The following RIC1 variants were observed in gnomAD, a reference collection of about 807,000 sequenced individuals.
RIC1 encodes the protein guanine nucleotide exchange factor subunit RIC1.
RIC1 carries 88 observed loss-of-function variants against 169.0 expected under a neutral mutation model. The observed-to-expected ratio is 0.52, with a 90% CI of 0.44 to 0.62. RIC1 has a LOEUF of 0.62. Ranked by LOEUF, RIC1 falls within the 20% of genes least tolerant of loss-of-function variation. The pLI is 0.00. For missense variants in RIC1, 1,877 were observed against 1,725.5 expected (o/e 1.09, Z -1.56); for synonymous variants, 790 against 601.5 (o/e 1.31, Z -4.59).
rs745619977 is a variant in RIC1, at chr9:5,738,576, A to G, written c.901+38A>G. 6 of 1,202,060 alleles carry G rather than the reference A, an allele frequency of 5.0e-6. No homozygotes were observed. The Admixed American group carries it at 1.6e-4, about 31-fold the overall frequency. The allele number at this position is 1,202,060 out of a possible 1,614,324, so 74.5% of individuals were successfully genotyped here. A position where few individuals can be genotyped will look rare whatever the true frequency, so the allele number is the denominator to read the frequency against. On this transcript the variant is annotated intron_variant, in intron 8 of 25. Transcript: ENST00000414202. ...TTTTTTTTTTTTTTTTAACATTTTT[A>G]ATGTACTGGTATTGCCATTTGTAGC...
At chr9:5,744,859 C>T (rs1018991736) in intron 10 of RIC1, among the ~76,000 whole-genome samples, 2 of 152,136 alleles carry the variant, frequency 1.3e-5, no homozygotes, top group Non-Finnish European at 1.5e-5. Flanking sequence ...CTTGCTATAG[C>T]CCCTCTGCAT....
chr9:5,706,806 A>C (rs184278827), intron 3 of RIC1, among the ~76,000 whole-genome samples: 2 of 152,206 alleles, frequency 1.3e-5, no homozygotes, highest in Non-Finnish European at 2.9e-5. Flanking sequence ...TCCCACTTTC[A>C]TTTCAGACTT....
At chr9:5,646,716 CTT>C (rs1818535475) in intron 1 of RIC1, among the ~76,000 whole-genome samples, 2 of 152,156 alleles carry the variant, frequency 1.3e-5, no homozygotes, top group Admixed American at 6.5e-5. Context: ...CTTATCCCCT[CTT>C]GTTAAAGTGA....
At position 5,631,504 on chromosome 9, in the gene RIC1, G is replaced by A. The variant is rs186098614; in HGVS notation, c.144+2051G>A. ...AGATCGAGACCATCCTGGCCAACAT[G>A]GTGAAATCCCGTCTCTACTAAAAAT... is the stretch of plus-strand genomic sequence containing the variant. On this transcript the variant is annotated intron_variant, in intron 1 of 25. Coordinates refer to ENST00000414202, the MANE Select transcript of RIC1 (RefSeq NM_020829.4). Among the ~76,000 whole-genome samples the A allele has an allele frequency of 2.2e-3, 341 of 152,074 alleles. 1 individual carries two copies. The highest frequency in any genetic ancestry group is 4.4e-3 in the Non-Finnish European group (299 of 67,970).
chr9:5,758,057 C>G (rs1295984942), intron 17 of RIC1, among the ~76,000 whole-genome samples: 1 of 152,074 alleles, frequency 6.6e-6, no homozygotes, highest in Non-Finnish European at 1.5e-5. Flanking sequence ...GTAGGGAGAG[C>G]AACTGGGAGG....
chr9:5,730,833 G>T (rs541315322), intron 6 of RIC1, among the ~76,000 whole-genome samples: 1 of 152,166 alleles, frequency 6.6e-6, no homozygotes, highest in East Asian at 1.9e-4. Flanking sequence ...AAATTCTTAT[G>T]GTGGCCTTCA....
intron 3 of RIC1, among the ~76,000 whole-genome samples, chr9:5,704,980 A>G (rs1486777410): frequency 2.0e-5 from 3 of 152,202 alleles, no homozygotes; most frequent in African/African-American, 7.2e-5. Context: ...ATAGGTATAC[A>G]GGTTTATTAT....
At chr9:5,686,825 A>G (rs376351391) in intron 2 of RIC1, among the ~76,000 whole-genome samples, 3 of 152,140 alleles carry the variant, frequency 2.0e-5, no homozygotes, top group Admixed American at 2.0e-4. Context: ...CTGTAGTTAT[A>G]ATGTCTTTGT....
intron 12 of RIC1, among the ~76,000 whole-genome samples, chr9:5,747,731 T>C (rs954235222): frequency 1.3e-5 from 2 of 152,350 alleles, no homozygotes; most frequent in Admixed American, 1.3e-4. Flanking sequence ...CTATTAATAA[T>C]GTCAAGAACT....
At chr9:5,761,359 A>C (rs1359793846) in intron 17 of RIC1, among the ~76,000 whole-genome samples, 1 of 151,104 alleles carries the variant, frequency 6.6e-6, no homozygotes, top group Non-Finnish European at 1.5e-5. Flanking sequence ...TGATCCACCC[A>C]CCTCAGCCTC....
chr9:5,681,686 C>T (rs989390524), intron 2 of RIC1, among the ~76,000 whole-genome samples: 1 of 152,120 alleles, frequency 6.6e-6, no homozygotes, highest in Non-Finnish European at 1.5e-5. Context: ...GAGTTCAATT[C>T]CTGGATATCC....
intron 10 of RIC1, 96 bp from the exon 11 acceptor site, chr9:5,745,835 C>A: frequency 9.9e-7 from 1 of 1,010,248 alleles, no homozygotes; most frequent in East Asian, 2.5e-5. Context: ...ATAATGCTAT[C>A]ATTGGCTATT....
rs1226395359 is a variant in RIC1 at position 5,763,293 on chromosome 9, G to A, written c.2266G>A (p.Asp756Asn). Residue 756 changes from aspartate (D) to asparagine (N), a missense_variant, in exon 19 of 26, where the codon GAT (aspartate) becomes AAT (asparagine). Transcript: ENST00000414202. The surrounding 1 kb of genome is among the most constrained non-coding windows in gnomAD (Gnocchi z 5.2). The stretch of plus-strand genomic sequence containing the variant: ...AGTTTGGCTCCCTCTCTTCCCTAGG[G>A]ATCACCGCAAGCCCCATTCCTTCTT... Reference protein sequence around the residue: ...MKVWLPLFPRDHRKPHSFLSQ... With the variant: ...MKVWLPLFPRNHRKPHSFLSQ... 3.1e-6 allele frequency: 5 copies of A among 1,614,144 alleles called. No homozygotes were observed. The South Asian group carries it at 5.5e-5, about 18-fold the overall frequency.
In RIC1 at chr9:5,775,524, A is replaced by C. The variant is rs1033299117; in HGVS notation, c.*1278A>C. 6.6e-6 allele frequency: 1 copy of C among 152,212 alleles called. No homozygotes were observed. Among genetic ancestry groups the C allele is most frequent in the East Asian group, 1.9e-4 (1 of 5,202 alleles). 9.4% of individuals were successfully genotyped at this position (152,212 alleles called of 1,614,324 possible). A position where few individuals can be genotyped will look rare whatever the true frequency, so the allele number is the denominator to read the frequency against. Reference sequence around the variant, plus strand: ...ACAAAAAACAAACTTGTTTATTTTTATAATAACGATGTATTTGATGTGGAC... The same window carrying C: ...ACAAAAAACAAACTTGTTTATTTTTCTAATAACGATGTATTTGATGTGGAC... On this transcript the variant is annotated 3_prime_UTR_variant, in exon 26 of 26. Coordinates refer to ENST00000414202, the MANE Select transcript of RIC1 (RefSeq NM_020829.4).
At chr9:5,734,872 T>C (rs1347426092) in intron 7 of RIC1, among the ~76,000 whole-genome samples, 1 of 152,234 alleles carries the variant, frequency 6.6e-6, no homozygotes, top group African/African-American at 2.4e-5. Flanking sequence ...TACTTTTGCC[T>C]TATTTCTTGG....
intron 6 of RIC1, 36 bp from the exon 7 acceptor site, chr9:5,732,352 C>G: frequency 1.3e-6 from 2 of 1,489,150 alleles, no homozygotes; most frequent in Non-Finnish European, 1.9e-6. Context: ...TTTGGAGAAA[C>G]ACTTTTTAAG....
chr9:5,699,485 A>G (rs1263324594), intron 3 of RIC1, among the ~76,000 whole-genome samples: 1 of 145,798 alleles, frequency 6.9e-6, no homozygotes, highest in East Asian at 2.2e-4. Flanking sequence ...GCTTACATTT[A>G]TTTCAATGTC....
At chr9:5,711,303 C>T (rs918490064) in intron 3 of RIC1, among the ~76,000 whole-genome samples, 9 of 152,128 alleles carry the variant, frequency 5.9e-5, no homozygotes, top group Non-Finnish European at 1.3e-4. Flanking sequence ...TCTCCCCATG[C>T]ATGCATACTT....
At chr9:5,697,474 C>T (rs1158462486) in intron 3 of RIC1, among the ~76,000 whole-genome samples, 1 of 152,134 alleles carries the variant, frequency 6.6e-6, no homozygotes, top group Non-Finnish European at 1.5e-5. Context: ...ATAAAATGAC[C>T]ATCTGTGTGT....
Sources: gnomAD v4.1 joint callset for allele counts (sites outside exome capture counted in the v4.1 genomes callset) on GRCh38, gnomAD v4.1.1 for gene constraint, Gnocchi (gnomAD v3.1) non-coding constraint, MANE v1.5 for transcripts, NCBI Gene and HGNC (gene_info 2026-07-23, HGNC 2026-07-21) for gene names.